The following FHIT variants were observed in gnomAD, a reference collection of about 807,000 sequenced individuals.
FHIT encodes the protein fragile histidine triad diadenosine triphosphatase.
Under a neutral mutation model 17.9 loss-of-function variants are expected in FHIT, and 19 were observed. The ratio of observed to expected loss-of-function variants is 1.06; its 90% confidence interval spans 0.74 to 1.56. The LOEUF is 1.56. Among genes scored for constraint, FHIT ranks in the 40% most tolerant of loss-of-function variants. The probability of loss-of-function intolerance (pLI) is 0.00; values close to 1 mark genes in which losing one functional copy is unlikely to be tolerated. For synonymous variants in FHIT, 81 were observed against 69.7 expected, an observed-to-expected ratio of 1.16 and a Z score of -0.81; for missense variants, 248 against 189.2, an observed-to-expected ratio of 1.31 and a Z score of -1.82.
chr3:60,225,707 A>T (rs1490906420), intron 5 of FHIT, among the ~76,000 whole-genome samples: 1 of 152,180 alleles, frequency 6.6e-6, no homozygotes, highest in Non-Finnish European at 1.5e-5. Context: ...TTTAATGCAA[A>T]ACTTGCCCTC....
chr3:61,129,261 A>C lies in FHIT; in HGVS notation c.-164+71356T>G, dbSNP rs556477003. Among the ~76,000 whole-genome samples, 21 of 152,332 alleles carry C rather than the reference A, an allele frequency of 1.4e-4. No individual in the cohort carries two copies. The East Asian group carries it at 2.7e-3, about 20-fold the overall frequency. ...CAGAGACATTCAGTCCATATGACAT[A>C]AGGTTGAAATCATCCTAATTGTCGA... On this transcript the variant is annotated intron_variant, in intron 2 of 9. Transcript: ENST00000492590.
intron 5 of FHIT, among the ~76,000 whole-genome samples, chr3:60,195,120 C>A (rs1289446754): frequency 6.6e-6 from 1 of 152,006 alleles, no homozygotes; most frequent in Non-Finnish European, 1.5e-5. Flanking sequence ...TAGCCAAGAT[C>A]GCGCCATTCC....
chr3:59,821,750 T>C (rs956165377), intron 8 of FHIT, among the ~76,000 whole-genome samples: 1 of 152,106 alleles, frequency 6.6e-6, no homozygotes, highest in African/African-American at 2.4e-5. Flanking sequence ...CTTAGAGTTT[T>C]TTTTTAAAAA....
At chr3:60,505,025 C>T (rs768599413) in intron 5 of FHIT, among the ~76,000 whole-genome samples, 8 of 152,204 alleles carry the variant, frequency 5.3e-5, no homozygotes, top group East Asian at 1.9e-4. Context: ...TCCCTGCCCA[C>T]TATCACCCCA....
intron 5 of FHIT, among the ~76,000 whole-genome samples, chr3:60,273,900 A>G (rs1428424515): frequency 6.6e-6 from 1 of 152,218 alleles, no homozygotes; most frequent in Admixed American, 6.5e-5. Flanking sequence ...AGAAATTAAT[A>G]AAAGTATCTC....
At chr3:59,903,607 C>T (rs546012298) in intron 8 of FHIT, among the ~76,000 whole-genome samples, 2 of 152,026 alleles carry the variant, frequency 1.3e-5, no homozygotes, top group Non-Finnish European at 2.9e-5. Flanking sequence ...AATTAAAATA[C>T]TCAAACATAT....
Position 60,758,645 on chromosome 3 carries a change from T to G in FHIT, c.-18+63274A>C, listed in dbSNP as rs146902121. ...TTGATTTCAGGCCAATTGTTAGAGC[T>G]GTCGCTTAAAAATTTAGATGTACAT... is the stretch of plus-strand genomic sequence containing the variant. On this transcript the variant is annotated intron_variant, in intron 4 of 9. Transcript: ENST00000492590. 3.3e-5 allele frequency among the ~76,000 whole-genome samples: 5 copies of G among 152,234 alleles called. No individual in the cohort carries two copies. In the South Asian group the frequency reaches 6.2e-4, roughly 19 times the overall value.
At position 59,748,249 on chromosome 3, in the gene FHIT, CAAGTA is replaced by C. The variant is rs751789258; in HGVS notation, c.*1331_*1335del. On this transcript the variant is annotated 3_prime_UTR_variant, in exon 10 of 10. Transcript: ENST00000492590. The stretch of plus-strand genomic sequence containing the variant: ...ATATACTAAAATTCAAAAAGTGAAT[CAAGTA>C]AATAATGCTCTAGGTGGTCCACAAA... 6.6e-6 allele frequency among the ~76,000 whole-genome samples: 1 copy of C among 151,686 alleles called. No homozygotes were observed. Among genetic ancestry groups the C allele is most frequent in the Non-Finnish European group, 1.5e-5 (1 of 67,900 alleles).
rs373522648 is a variant in FHIT at position 60,089,519 on chromosome 3, G to A, written c.104-75367C>T. Among the ~76,000 whole-genome samples the A allele has an allele frequency of 6.6e-5, 10 of 152,214 alleles. No homozygotes were observed. The East Asian group carries it at 1.5e-3, about 24-fold the overall frequency. ...TAAATGGACGGAAAGAGGCCAGCTA[G>A]TCACCCATACAAGCTTCTGGGTTAT... On this transcript the variant is annotated intron_variant, in intron 5 of 9. Transcript: ENST00000492590.
intron 5 of FHIT, among the ~76,000 whole-genome samples, chr3:60,483,799 T>C (rs958417182): frequency 3.3e-5 from 5 of 152,112 alleles, no homozygotes; most frequent in Non-Finnish European, 7.4e-5. Flanking sequence ...ACCACTCCTA[T>C]TCAACATAGT....
In FHIT at chr3:60,640,455, A is replaced by G. The variant is rs181751364; in HGVS notation, c.-17-103476T>C. On this transcript the variant is annotated intron_variant, in intron 4 of 9. Coordinates refer to ENST00000492590, the MANE Select transcript of FHIT (RefSeq NM_002012.4). ...CAGGTGTTCACTTAGTGAACAGGAA[A>G]TTTCTGGGTACTAGTGCTAGTGAGT... is the stretch of plus-strand genomic sequence containing the variant. Among the ~76,000 whole-genome samples the G allele has an allele frequency of 1.4e-4, 21 of 152,294 alleles. No individual in the cohort carries two copies. In the East Asian group the frequency reaches 4.0e-3, roughly 29 times the overall value.
At chr3:60,513,187 C>T (rs1056769660) in intron 5 of FHIT, among the ~76,000 whole-genome samples, 4 of 152,132 alleles carry the variant, frequency 2.6e-5, no homozygotes, top group Non-Finnish European at 4.4e-5. Flanking sequence ...TACAGAGACA[C>T]GGCACAGATA....
intron 8 of FHIT, among the ~76,000 whole-genome samples, chr3:59,883,689 G>A (rs903311550): frequency 2.6e-5 from 4 of 152,182 alleles, no homozygotes; most frequent in Admixed American, 6.5e-5. Context: ...GTGTGCTACC[G>A]CACGTCTCTT....
intron 2 of FHIT, among the ~76,000 whole-genome samples, chr3:61,120,671 C>T (rs1278253040): frequency 6.6e-6 from 1 of 152,040 alleles, no homozygotes; most frequent in Non-Finnish European, 1.5e-5. Flanking sequence ...AATCCAAAAA[C>T]CAGAATGTCT....
chr3:60,523,205 C>T (rs892785705), intron 5 of FHIT, among the ~76,000 whole-genome samples: 1 of 152,140 alleles, frequency 6.6e-6, no homozygotes, highest in Non-Finnish European at 1.5e-5. Flanking sequence ...GGTGGGCACA[C>T]AGCCAAACCA....
At chr3:60,877,659 TAAAC>T (rs2107106716) in intron 3 of FHIT, among the ~76,000 whole-genome samples, 1 of 152,242 alleles carries the variant, frequency 6.6e-6, no homozygotes, top group Admixed American at 6.5e-5. Flanking sequence ...TTGGTCAAGT[TAAAC>T]AACTGTGCAT....
chr3:60,614,820 G>GT lies in FHIT; in HGVS notation c.-17-77842dup, dbSNP rs1191171215. 7.2e-3 allele frequency among the ~76,000 whole-genome samples: 425 copies of GT among 58,830 alleles called. 14 individuals are homozygous for GT. Among genetic ancestry groups the GT allele is most frequent in the Middle Eastern group, 0.011 (1 of 88 alleles). 38.6% of individuals were successfully genotyped at this position (58,830 alleles called of 152,430 possible). On this transcript the variant is annotated intron_variant, in intron 4 of 9. Transcript: ENST00000492590. ...AAATTGCAAAAGTTGTTTTTTTTTTGTTTTTTTTTTGTTTTTTTTTTGTTT... is the reference window on the plus strand; with the variant it reads ...AAATTGCAAAAGTTGTTTTTTTTTTGTTTTTTTTTTTGTTTTTTTTTTGTTT...
intron 3 of FHIT, among the ~76,000 whole-genome samples, chr3:60,842,647 T>TATATATATA (rs1406123749): frequency 1.4e-3 from 126 of 92,436 alleles, no homozygotes; most frequent in African/African-American, 5.2e-3. Flanking sequence ...ATATATATAT[T>TATATATATA]TTTTTTTTTT....
At position 60,197,269 on chromosome 3, in the gene FHIT, A is replaced by G. The variant is rs142109017; in HGVS notation, c.104-183117T>C. 8.1e-4 allele frequency among the ~76,000 whole-genome samples: 123 copies of G among 152,318 alleles called. 1 individual carries two copies. The highest frequency in any genetic ancestry group is 2.4e-3 in the African/African-American group (99 of 41,568). On this transcript the variant is annotated intron_variant, in intron 5 of 9. Coordinates refer to ENST00000492590, the MANE Select transcript of FHIT (RefSeq NM_002012.4). ...TGACTAGTCCAAACTGAGATGTGCTATAAGTGTAAAATACACACAAGATTT... is the reference window on the plus strand; with the variant it reads ...TGACTAGTCCAAACTGAGATGTGCTGTAAGTGTAAAATACACACAAGATTT...
Sources: gnomAD v4.1 joint callset for allele counts (sites outside exome capture counted in the v4.1 genomes callset) on GRCh38, gnomAD v4.1.1 for gene constraint, MANE v1.5 for transcripts, NCBI Gene and HGNC (gene_info 2026-07-23, HGNC 2026-07-21) for gene names.